Variants in MADD observed in about 807,000 individuals in gnomAD.
MADD encodes MAP kinase-activating death domain protein.
MADD carries 109 observed loss-of-function variants against 176.7 expected under a neutral mutation model. The ratio of observed to expected loss-of-function variants is 0.62; its 90% CI spans 0.53 to 0.72. The LOEUF (loss-of-function observed/expected upper bound fraction) is 0.72, where lower values mean the gene tolerates loss of function less well. Among genes scored for constraint, MADD ranks in the 30% least tolerant of loss-of-function variants. MADD has a pLI of 0.00. For synonymous variants in MADD, 771 were observed against 771.3 expected, an observed-to-expected ratio of 1.00 and a Z score of 0.01; for missense variants, 1,914 against 2,045.5, an observed-to-expected ratio of 0.94 and a Z score of 1.24.
At chr11:47,295,208 C>T (rs1017491632) in intron 20 of MADD, among the ~76,000 whole-genome samples, 9 of 151,990 alleles carry the variant, frequency 5.9e-5, no homozygotes, top group Middle Eastern at 3.4e-3. Flanking sequence ...GATGGGGTTT[C>T]GCCATGTTGC....
intron 27 of MADD, 50 bp downstream of exon 30, chr11:47,315,377 G>A: frequency 2.0e-6 from 2 of 999,600 alleles, no homozygotes; most frequent in South Asian, 1.3e-5. Flanking sequence ...AGAGTCACAG[G>A]GAACTCATAG....
chr11:47,277,067 T>C (rs1264728291), intron 5 of MADD, among the ~76,000 whole-genome samples: 1 of 152,252 alleles, frequency 6.6e-6, no homozygotes, highest in Non-Finnish European at 1.5e-5. Flanking sequence ...TGTTAATGAC[T>C]GTAGGCCACT....
chr11:47,326,669 G>A, intron 30 of MADD, 69 bp from the exon 35 acceptor site: 25 of 1,576,236 alleles, frequency 1.6e-5, no homozygotes, highest in Non-Finnish European at 2.2e-5. Context: ...CTGTAGCTGG[G>A]AGAGTGTGCT....
At chr11:47,291,663 C>G (rs184181724) in intron 19 of MADD, among the ~76,000 whole-genome samples, 4 of 152,172 alleles carry the variant, frequency 2.6e-5, no homozygotes, top group Non-Finnish European at 5.9e-5. Context: ...CTGGCTTTCT[C>G]CTGCCTCATG....
chr11:47,275,274 C>A, intron 3 of MADD, 115 bp downstream of exon 3: 1 of 885,066 alleles, frequency 1.1e-6, no homozygotes, highest in African/African-American at 1.7e-5. Flanking sequence ...ACCTATTAAG[C>A]ATATTTAGAG....
intron 31 of MADD, chr11:47,328,115 T>A: frequency 1.0e-6 from 1 of 1,002,742 alleles, no homozygotes; most frequent in African/African-American, 1.7e-5. Context: ...CACTGCCACA[T>A]CCTGTGGGTT....
rs755520023 is a variant in MADD, at chr11:47,282,900, A to G, written c.1793A>G (p.Asn598Ser). The G allele has an allele frequency of 1.2e-5, 19 of 1,613,966 alleles. No individual in the cohort carries two copies. The highest frequency in any genetic ancestry group is 6.7e-5 in the East Asian group (3 of 44,894). ...ATCCACTATCGCGTCTATGACAGCAATTCCCAGCTGGCTGAGGCCCTGAGT... is the reference window on the plus strand; with the variant it reads ...ATCCACTATCGCGTCTATGACAGCAGTTCCCAGCTGGCTGAGGCCCTGAGT... Residue 598 changes from asparagine to serine, a missense_variant, in exon 10 of 33, where the codon AAT becomes AGT. Asn to Ser is a conservative substitution (Grantham distance 46, BLOSUM62 1). Transcript: ENST00000402192.
At position 47,286,546 on chromosome 11, in the gene MADD, C is replaced by A; in HGVS notation, c.2653+12C>A. 2 of 1,598,996 alleles carry A rather than the reference C, an allele frequency of 1.3e-6. No individual in the cohort carries two copies. Among genetic ancestry groups the A allele is most frequent in the Non-Finnish European group, 8.6e-7 (1 of 1,166,496 alleles). ...CCCCAGTCTGAAAGGTAACTACAGC[C>A]TTCCTTTTGCCAAGCCAGGTTTCTC... On this transcript the variant is annotated intron_variant, in intron 15 of 32. Transcript: ENST00000402192.
At chr11:47,303,428 C>T (rs996913216) in intron 22 of MADD, among the ~76,000 whole-genome samples, 8 of 151,786 alleles carry the variant, frequency 5.3e-5, no homozygotes, top group African/African-American at 1.7e-4. Flanking sequence ...TTAGTAGAGA[C>T]GGGGTTTCAC....
chr11:47,285,137 A>C (rs555031828), exon 13 of MADD: 14 of 1,614,118 alleles, frequency 8.7e-6, no homozygotes, highest in East Asian at 2.2e-5. Context: ...GAGGAAGATG[A>C]GGATGAGCAG....
chr11:47,292,489 G>C, intron 19 of MADD, 54 bp from the exon 21 acceptor site: 2 of 1,558,034 alleles, frequency 1.3e-6, no homozygotes. Flanking sequence ...TCGTCTGTCT[G>C]ACCAGCCTCT....
At chr11:47,296,441 G>A (rs919973348) in intron 22 of MADD, among the ~76,000 whole-genome samples, 2 of 152,102 alleles carry the variant, frequency 1.3e-5, no homozygotes, top group Non-Finnish European at 2.9e-5. Context: ...TTTTATTTTG[G>A]TCACTGCTCT....
chr11:47,277,517 G>A (rs1487404730), intron 5 of MADD, among the ~76,000 whole-genome samples: 1 of 152,100 alleles, frequency 6.6e-6, no homozygotes, highest in South Asian at 2.1e-4. Flanking sequence ...GGCTGGTCTT[G>A]AACTCTTGAC....
At chr11:47,298,816 A>G (rs901819146) in intron 22 of MADD, among the ~76,000 whole-genome samples, 2 of 152,200 alleles carry the variant, frequency 1.3e-5, no homozygotes, top group Non-Finnish European at 2.9e-5. Context: ...TTTGGGTCTT[A>G]CAGTTAAGTC....
At chr11:47,282,563 T>C in exon 9 of MADD, 2 of 1,614,178 alleles carry the variant, frequency 1.2e-6, no homozygotes, top group Non-Finnish European at 1.7e-6. Flanking sequence ...GTGGAGTACT[T>C]TGGGGAATGG....
chr11:47,275,156 A>G, exon 3 of MADD: 1 of 1,611,292 alleles, frequency 6.2e-7, no homozygotes, highest in East Asian at 2.2e-5. Context: ...CGAGGCGTAC[A>G]AAGGTACAGT....
chr11:47,290,374 T>C, intron 18 of MADD, 75 bp downstream of exon 19: 4 of 1,545,706 alleles, frequency 2.6e-6, no homozygotes, highest in Non-Finnish European at 3.5e-6. Context: ...AATATATGTG[T>C]ACCCAGGACA....
chr11:47,299,874 C>G (rs2076295457), intron 22 of MADD, among the ~76,000 whole-genome samples: 1 of 152,086 alleles, frequency 6.6e-6, no homozygotes. Context: ...AAGTTGGATG[C>G]CCTTTATTTC....
At chr11:47,320,432 G>A (rs2094246688) in intron 27 of MADD, among the ~76,000 whole-genome samples, 1 of 151,442 alleles carries the variant, frequency 6.6e-6, no homozygotes, top group Admixed American at 6.6e-5. Flanking sequence ...TCCAGCCTGG[G>A]CGACAGAGCA....
Sources: allele counts gnomAD v4.1 joint callset (sites outside exome capture counted in the v4.1 genomes callset), GRCh38; gene constraint gnomAD v4.1.1; transcripts MANE v1.5; gene names NCBI Gene and HGNC (gene_info 2026-07-23, HGNC 2026-07-21).